Variants in YARS2 observed in about 807,000 individuals in gnomAD.
YARS2 encodes the protein tyrosine--tRNA ligase, mitochondrial.
In YARS2, 38 loss-of-function variants were observed where a neutral mutation model predicts 45.0. The observed-to-expected ratio is 0.84, with a 90% CI of 0.65 to 1.11. YARS2 has a LOEUF of 1.11. YARS2 is among the 50% of genes least tolerant of loss of function. The probability of loss-of-function intolerance (pLI) is 0.00; values close to 1 mark genes in which losing one functional copy is unlikely to be tolerated. For synonymous variants in YARS2, 287 were observed against 245.1 expected, an observed-to-expected ratio of 1.17 and a Z score of -1.60; for missense variants, 602 against 599.8, an observed-to-expected ratio of 1.00 and a Z score of -0.04.
At position 32,755,591 on chromosome 12, in the gene YARS2, A is replaced by G. The variant is rs760309123; in HGVS notation, c.284T>C (p.Leu95Pro). ...DSLHVGHLLA[L>P]LGLFHLQRAG... ...TCGCTGCAAATGAAACAGGCCCAGCAGCGCAAGTAGATGACCCACATGAAG... is the reference window on the plus strand; with the variant it reads ...TCGCTGCAAATGAAACAGGCCCAGCGGCGCAAGTAGATGACCCACATGAAG... The change falls in exon 1 of 5, where the codon CTG becomes CCG. Residue 95 changes from leucine (L) to proline (P), a missense_variant. Transcript: ENST00000324868. 5 of 1,613,950 alleles carry G rather than the reference A, an allele frequency of 3.1e-6. No individual in the cohort carries two copies. In the East Asian group the frequency reaches 1.1e-4, roughly 36 times the overall value.
chr12:32,750,820 C>T lies in YARS2; in HGVS notation c.1002G>A (p.Gln334=). 2 of 1,614,176 alleles carry T rather than the reference C, an allele frequency of 1.2e-6. No individual in the cohort carries two copies. The highest frequency in any genetic ancestry group is 1.7e-6 in the Non-Finnish European group (2 of 1,180,026). Residue 334 remains glutamine, a synonymous_variant, in exon 3 of 5, where the codon CAG becomes CAA. Coordinates refer to ENST00000324868, the MANE Select transcript of YARS2 (RefSeq NM_001040436.3). Reference sequence around the variant, plus strand: ...GCCTTTCTGGCTCTTTGACATGCAGCTGCATGATATGATCAATCTCTGGAA... The same window carrying T: ...GCCTTTCTGGCTCTTTGACATGCAGTTGCATGATATGATCAATCTCTGGAA... ...LPLPEIDHIM[Q]LHVKEPERRG... is the part of the protein sequence containing the mutation.
At position 32,755,418 on chromosome 12, in the gene YARS2, C is replaced by A. The variant is rs11539447; in HGVS notation, c.457G>T (p.Ala153Ser). The A allele has an allele frequency of 1.9e-6, 3 of 1,613,634 alleles. No individual in the cohort carries two copies. The highest frequency in any genetic ancestry group is 4.5e-5 in the East Asian group (2 of 44,864). The change falls in exon 1 of 5, where the codon GCT (alanine) becomes TCT (serine). Residue 153 changes from alanine to serine, a missense_variant. Transcript: ENST00000324868. ...TCAGTGAAAAGCTGCTGGTGATTAG[C>A]CGCCAGGGCCTCAAGCCCTAGGCGC... ...ALRLGLEALA[A>S]NHQQLFTDGR...
In YARS2 at chr12:32,754,689, TC is replaced by T. The variant is rs1448207379; in HGVS notation, c.779+406del. Among the ~76,000 whole-genome samples, 4 of 150,576 alleles carry T rather than the reference TC, an allele frequency of 2.7e-5. No individual in the cohort carries two copies. The East Asian group carries it at 7.8e-4, about 29-fold the overall frequency. On this transcript the variant is annotated intron_variant, in intron 1 of 4. Coordinates refer to ENST00000324868, the MANE Select transcript of YARS2 (RefSeq NM_001040436.3). ...GGCGAAGCAAAACAGACCGACCAAA[TC>T]TTCACTAGTGGTCTGTTTCCCTTTT... is the stretch of plus-strand genomic sequence containing the variant.
rs1397436611 is a variant in YARS2, at chr12:32,754,029, C to A, written c.836G>T (p.Gly279Val). ...ITVPLITSTT[G>V]AKLGKSAGNA... is the part of the protein sequence containing the mutation. ...GCCAGCAGACTTTCCCAGCTTTGCT[C>A]CAGTTGTACTTGTAATTAGAGGAAC... The change falls in exon 2 of 5, where the codon GGA becomes GTA. Residue 279 changes from glycine to valine, a missense_variant. Transcript: ENST00000324868. 6 of 1,614,196 alleles carry A rather than the reference C, an allele frequency of 3.7e-6. No individual in the cohort carries two copies. Among genetic ancestry groups the A allele is most frequent in the Non-Finnish European group, 5.1e-6 (6 of 1,180,040 alleles).
rs1358102201 is a variant in YARS2 at position 32,755,313 on chromosome 12, C to G, written c.562G>C (p.Ala188Pro). 1.2e-6 allele frequency: 2 copies of G among 1,614,026 alleles called. No homozygotes were observed. The highest frequency in any genetic ancestry group is 1.7e-6 in the Non-Finnish European group (2 of 1,180,042). Residue 188 changes from alanine (A) to proline (P), a missense_variant, in exon 1 of 5, where the codon GCA becomes CCA. Transcript: ENST00000324868. ...CCCATGCGGAAGTGACCCCCCACTGCCGCCAGGAAGTCCACCAGGTGCTGC... is the reference window on the plus strand; with the variant it reads ...CCCATGCGGAAGTGACCCCCCACTGGCGCCAGGAAGTCCACCAGGTGCTGC... ...QKQHLVDFLA[A>P]VGGHFRMGTL...
chr12:32,752,093 AG>A (rs2137655586), intron 2 of YARS2, among the ~76,000 whole-genome samples: 1 of 152,310 alleles, frequency 6.6e-6, no homozygotes, highest in East Asian at 1.9e-4. Context: ...ATGTTTGTGC[AG>A]GGACACTCTA....
intron 2 of YARS2, among the ~76,000 whole-genome samples, chr12:32,752,361 G>A (rs12426357): frequency 6.6e-6 from 1 of 152,092 alleles, no homozygotes; most frequent in African/African-American, 2.4e-5. Flanking sequence ...ATCAAATAGT[G>A]AGTTTGGCAG....
intron 1 of YARS2, among the ~76,000 whole-genome samples, 181 bp downstream of exon 1, chr12:32,754,915 T>C (rs146305810): frequency 5.3e-5 from 8 of 152,216 alleles, no homozygotes; most frequent in Admixed American, 3.3e-4. Context: ...TTAATACCCT[T>C]AATTCAGCCC....
At position 32,750,890 on chromosome 12, in the gene YARS2, T is replaced by TA. The variant is rs751930596; in HGVS notation, c.948-17dup. The stretch of plus-strand genomic sequence containing the variant: ...CTTCAGGTACCTTTGAGACAAAAAA[T>TA]AAAGAGTTACACTTATATAACATAC... On this transcript the variant is annotated splice_polypyrimidine_tract_variant and intron_variant, in intron 2 of 4. Transcript: ENST00000324868. The TA allele has an allele frequency of 1.9e-6, 3 of 1,613,286 alleles. No individual in the cohort carries two copies. The Admixed American group carries it at 5.0e-5, about 27-fold the overall frequency.
rs770705813 is a variant in YARS2 at position 32,755,676 on chromosome 12, G to A, written c.199C>T (p.Arg67Cys). 1.2e-6 allele frequency: 2 copies of A among 1,614,248 alleles called. No homozygotes were observed. The highest frequency in any genetic ancestry group is 2.2e-5 in the South Asian group (2 of 91,086). The stretch of plus-strand genomic sequence containing the variant: ...GTTTGGGGAAAACTCGCCGTGCCAC[G>A]GTCGAAGAGCTCTGGGAGCTCTATT... ...TKIELPELFDRGTASFPQTIY... is the reference protein window; with the variant it reads ...TKIELPELFDCGTASFPQTIY... Residue 67 changes from arginine (R) to cysteine (C), a missense_variant, in exon 1 of 5, where the codon CGT becomes TGT. Arg to Cys is a radical substitution (Grantham distance 180). Coordinates refer to ENST00000324868, the MANE Select transcript of YARS2 (RefSeq NM_001040436.3).
chr12:32,755,328 C>G lies in YARS2; in HGVS notation c.547G>C (p.Val183Leu). The change falls in exon 1 of 5, where the codon GTG becomes CTG. Residue 183 changes from valine to leucine, a missense_variant. Coordinates refer to ENST00000324868, the MANE Select transcript of YARS2 (RefSeq NM_001040436.3). ...NSAWYQKQHL[V>L]DFLAAVGGHF... ...CCCCCCACTGCCGCCAGGAAGTCCA[C>G]CAGGTGCTGCTTCTGGTACCAGGCC... 6.2e-7 allele frequency: 1 copy of G among 1,614,118 alleles called. No individual in the cohort carries two copies. Among genetic ancestry groups the G allele is most frequent in the Admixed American group, 1.7e-5 (1 of 60,032 alleles).
chr12:32,747,767 C>T (rs1430744772), intron 4 of YARS2, among the ~76,000 whole-genome samples: 1 of 152,172 alleles, frequency 6.6e-6, no homozygotes, highest in Non-Finnish European at 1.5e-5. Context: ...AACTCCCAAC[C>T]TCAAGTGATC....
chr12:32,750,497 G>A (rs903750717), intron 3 of YARS2, among the ~76,000 whole-genome samples: 52 of 152,250 alleles, frequency 3.4e-4, no homozygotes, highest in African/African-American at 1.1e-3. Context: ...CACCGCGCCC[G>A]GCATAGACTA....
At chr12:32,751,344 G>A (rs998183956) in intron 2 of YARS2, among the ~76,000 whole-genome samples, 21 of 151,906 alleles carry the variant, frequency 1.4e-4, no homozygotes, top group Non-Finnish European at 2.1e-4. Context: ...TTGGGATTAT[G>A]GGCAGGAGCC....
At chr12:32,747,492 A>C in intron 4 of YARS2, 129 bp from the exon 5 acceptor site, 2 of 896,374 alleles carry the variant, frequency 2.2e-6, no homozygotes, top group East Asian at 2.5e-5. Flanking sequence ...CTGGACTGTT[A>C]CCTTCATGTT....
intron 4 of YARS2, among the ~76,000 whole-genome samples, chr12:32,748,890 C>T (rs1437840865): frequency 1.3e-5 from 2 of 152,252 alleles, no homozygotes; most frequent in South Asian, 4.1e-4. Flanking sequence ...GCAAAAGAGG[C>T]ACCTGGGGGT....
At chr12:32,749,251 G>A (rs1228529104) in intron 4 of YARS2, among the ~76,000 whole-genome samples, 1 of 152,118 alleles carries the variant, frequency 6.6e-6, no homozygotes, top group Non-Finnish European at 1.5e-5. Flanking sequence ...TATGAGAGGG[G>A]CTGTGTTAAT....
chr12:32,747,359 G>C lies in YARS2; in HGVS notation c.1279C>G (p.Arg427Gly). 6.2e-7 allele frequency: 1 copy of C among 1,613,628 alleles called. No homozygotes were observed. The highest frequency in any genetic ancestry group is 1.1e-5 in the South Asian group (1 of 91,076). Residue 427 changes from arginine to glycine, a missense_variant, in exon 5 of 5, where the codon CGA becomes GGA. Transcript: ENST00000324868. ...CTGACTCCGCCTTCTGTTATCATTC[G>C]ATACCTAAAAAATAGAAACGTTTAG... ...NAIPDGPRGYRMITEGGVSIN... is the reference protein window; with the variant it reads ...NAIPDGPRGYGMITEGGVSIN...
Position 32,755,389 on chromosome 12 carries a change from C to T in YARS2, c.486G>A (p.Gly162=). 1.2e-6 allele frequency: 2 copies of T among 1,613,894 alleles called. No individual in the cohort carries two copies. The highest frequency in any genetic ancestry group is 1.1e-5 in the South Asian group (1 of 91,078). ...AANHQQLFTD[G]RSWGSFTVLD... ...GCACAGTGAAGCTGCCCCAGGAGCG[C>T]CCATCAGTGAAAAGCTGCTGGTGAT... Residue 162 remains glycine (G), a synonymous_variant, in exon 1 of 5, where the codon GGG becomes GGA. Coordinates refer to ENST00000324868, the MANE Select transcript of YARS2 (RefSeq NM_001040436.3).
Sources: gnomAD v4.1 joint callset for allele counts (sites outside exome capture counted in the v4.1 genomes callset) on GRCh38, gnomAD v4.1.1 for gene constraint, MANE v1.5 for transcripts, NCBI Gene and HGNC (gene_info 2026-07-23, HGNC 2026-07-21) for gene names.